SLC25A21: variants seen among roughly 807,000 people sequenced by gnomAD.
SLC25A21 encodes the protein mitochondrial 2-oxodicarboxylate carrier.
Under a neutral mutation model 43.8 loss-of-function variants are expected in SLC25A21, and 47 were observed. The ratio of observed to expected loss-of-function variants is 1.07; its 90% confidence interval spans 0.85 to 1.37. SLC25A21 has a LOEUF of 1.37. Ranked by LOEUF, SLC25A21 falls within the 40% of genes most tolerant of loss-of-function variation. SLC25A21 has a pLI of 0.00. For synonymous variants in SLC25A21, 131 were observed against 121.3 expected (o/e 1.08, Z -0.52); for missense variants, 352 against 350.2 (o/e 1.00, Z -0.04).
chr14:37,121,770 C>T (rs552084681), intron 1 of SLC25A21, among the ~76,000 whole-genome samples: 6 of 147,716 alleles, frequency 4.1e-5, no homozygotes, highest in African/African-American at 7.5e-5. Flanking sequence ...GCCTGAGCGA[C>T]GGAACGAGAC....
chr14:37,128,864 A>G (rs539949923), intron 1 of SLC25A21, among the ~76,000 whole-genome samples: 23 of 152,266 alleles, frequency 1.5e-4, no homozygotes, highest in African/African-American at 5.5e-4. Context: ...CTGGGATTAC[A>G]TGTGTGAGCC....
At chr14:36,821,913 C>A (rs1323189157) in intron 2 of SLC25A21, among the ~76,000 whole-genome samples, 1 of 152,140 alleles carries the variant, frequency 6.6e-6, no homozygotes, top group Non-Finnish European at 1.5e-5. Context: ...CTGAGCTCAA[C>A]AGGGCCTCTA....
rs552099685 is a variant in SLC25A21 at position 36,734,110 on chromosome 14, G to T, written c.270+397C>A. ...TTTACTCTGTTCATGAAATGGGAATGATTTAGGGAGAAAAGTTTTCCCTCC... is the reference window on the plus strand; with the variant it reads ...TTTACTCTGTTCATGAAATGGGAATTATTTAGGGAGAAAAGTTTTCCCTCC... On this transcript the variant is annotated intron_variant, in intron 4 of 9. Coordinates refer to ENST00000331299, the MANE Select transcript of SLC25A21 (RefSeq NM_030631.4). Among the ~76,000 whole-genome samples, 15 of 152,208 alleles carry T rather than the reference G, an allele frequency of 9.9e-5. No homozygotes were observed. The South Asian group carries it at 3.1e-3, about 32-fold the overall frequency.
intron 7 of SLC25A21, among the ~76,000 whole-genome samples, chr14:36,710,422 A>T (rs573567436): frequency 6.6e-6 from 1 of 151,664 alleles, no homozygotes; most frequent in African/African-American, 2.4e-5. Flanking sequence ...GGGGAAAAAA[A>T]AGAAAGAAAG....
At chr14:36,830,083 T>C (rs1180940011) in intron 2 of SLC25A21, among the ~76,000 whole-genome samples, 1 of 152,102 alleles carries the variant, frequency 6.6e-6, no homozygotes, top group African/African-American at 2.4e-5. Context: ...GTAAAAACAA[T>C]AAGAGAGAAA....
intron 2 of SLC25A21, among the ~76,000 whole-genome samples, chr14:36,862,633 T>C (rs891818343): frequency 2.0e-5 from 3 of 151,386 alleles, no homozygotes; most frequent in East Asian, 1.9e-4. Flanking sequence ...AGGGGAGGAA[T>C]AGCATTAGGA....
intron 6 of SLC25A21, among the ~76,000 whole-genome samples, chr14:36,721,584 T>C (rs1260332384): frequency 1.3e-5 from 2 of 152,248 alleles, no homozygotes; most frequent in Non-Finnish European, 2.9e-5. Context: ...CTTCCTGTTC[T>C]ACACAGCTCT....
chr14:36,699,484 CT>C (rs1883184067), intron 7 of SLC25A21, among the ~76,000 whole-genome samples: 1 of 152,210 alleles, frequency 6.6e-6, no homozygotes, highest in Non-Finnish European at 1.5e-5. Context: ...CTTTTCAGAG[CT>C]GTCAGACAGG....
intron 1 of SLC25A21, among the ~76,000 whole-genome samples, chr14:37,035,638 C>T (rs1487939714): frequency 6.6e-6 from 1 of 152,120 alleles, no homozygotes; most frequent in Non-Finnish European, 1.5e-5. Context: ...TAGCCCAGAG[C>T]CCGATCACTG....
At chr14:37,119,104 T>C (rs1963158147) in intron 1 of SLC25A21, among the ~76,000 whole-genome samples, 1 of 152,060 alleles carries the variant, frequency 6.6e-6, no homozygotes, top group African/African-American at 2.4e-5. Context: ...TAAAGGACAC[T>C]CCCACTGGCG....
intron 3 of SLC25A21, among the ~76,000 whole-genome samples, chr14:36,751,613 T>C (rs750836166): frequency 1.3e-5 from 2 of 152,222 alleles, no homozygotes; most frequent in Admixed American, 1.3e-4. Flanking sequence ...TCCTCAGATA[T>C]AATCTATACT....
intron 2 of SLC25A21, among the ~76,000 whole-genome samples, chr14:36,848,116 T>C (rs576967084): frequency 3.3e-5 from 5 of 152,152 alleles, no homozygotes; most frequent in African/African-American, 1.2e-4. Flanking sequence ...ACACCACGAA[T>C]TGGGATAATC....
intron 1 of SLC25A21, among the ~76,000 whole-genome samples, chr14:37,067,199 T>G (rs1962078681): frequency 1.3e-5 from 2 of 152,220 alleles, no homozygotes; most frequent in East Asian, 3.9e-4. Context: ...AATCGCAAAT[T>G]TATGAATCCC....
chr14:36,678,529 T>G lies in SLC25A21; in HGVS notation c.*2129A>C. 2 of 1,536,864 alleles carry G rather than the reference T, an allele frequency of 1.3e-6. No homozygotes were observed. Among genetic ancestry groups the G allele is most frequent in the South Asian group, 2.4e-5 (2 of 84,026 alleles). On this transcript the variant is annotated 3_prime_UTR_variant, in exon 10 of 10. Coordinates refer to ENST00000331299, the MANE Select transcript of SLC25A21 (RefSeq NM_030631.4). ...TAAACTGAATGGAACAAAGATCCAA[T>G]CCAATATTTTGGTGGAGACTTCTTT...
chr14:36,697,031 T>A (rs2139162452), intron 7 of SLC25A21, among the ~76,000 whole-genome samples: 1 of 152,352 alleles, frequency 6.6e-6, no homozygotes, highest in South Asian at 2.1e-4. Context: ...TTTCCTGCTT[T>A]CTCTTGTGGG....
At chr14:36,777,035 G>A (rs956847363) in intron 3 of SLC25A21, among the ~76,000 whole-genome samples, 24 of 152,112 alleles carry the variant, frequency 1.6e-4, no homozygotes, top group African/African-American at 4.8e-4. Flanking sequence ...CGAGGTGGGC[G>A]GATCACGAGG....
At chr14:36,893,236 C>T (rs1241884712) in intron 1 of SLC25A21, among the ~76,000 whole-genome samples, 2 of 152,136 alleles carry the variant, frequency 1.3e-5, no homozygotes, top group African/African-American at 4.8e-5. Flanking sequence ...TTAATGATTG[C>T]CATTCTAACT....
intron 1 of SLC25A21, among the ~76,000 whole-genome samples, chr14:37,154,717 A>G (rs1019948133): frequency 1.3e-5 from 2 of 150,208 alleles, no homozygotes; most frequent in African/African-American, 4.9e-5. Context: ...ATCTCAGCTC[A>G]CTGTAACTTC....
intron 3 of SLC25A21, among the ~76,000 whole-genome samples, chr14:36,796,318 C>G (rs1887667588): frequency 6.6e-6 from 1 of 151,616 alleles, no homozygotes; most frequent in South Asian, 2.1e-4. Flanking sequence ...TCACATTTTC[C>G]ACTTCAGTAA....
Sources: gnomAD v4.1 joint callset for allele counts (sites outside exome capture counted in the v4.1 genomes callset) on GRCh38, gnomAD v4.1.1 for gene constraint, MANE v1.5 for transcripts, NCBI Gene and HGNC (gene_info 2026-07-23, HGNC 2026-07-21) for gene names.